The following WDR89 variants were observed in gnomAD, a reference collection of about 807,000 sequenced individuals.
WDR89 encodes WD repeat-containing protein 89.
A neutral mutation model predicts 29.1 loss-of-function variants in WDR89; 17 were observed. That is an observed-to-expected ratio of 0.58 (90% CI 0.40 to 0.88). The LOEUF is 0.88. Among genes scored for constraint, WDR89 ranks in the 40% least tolerant of loss-of-function variants. The pLI is 0.00. For missense variants in WDR89, 396 were observed against 456.3 expected, an observed-to-expected ratio of 0.87 and a Z score of 1.20; for synonymous variants, 138 against 157.8, an observed-to-expected ratio of 0.87 and a Z score of 0.94.
At chr14:63,628,691 C>T (rs1883217740) in intron 1 of WDR89, among the ~76,000 whole-genome samples, 2 of 152,162 alleles carry the variant, frequency 1.3e-5, no homozygotes, top group South Asian at 2.1e-4. Flanking sequence ...TGGCCGGGTG[C>T]GGTGGCTCAC....
chr14:63,619,129 A>T (rs1882508179), intron 2 of WDR89, among the ~76,000 whole-genome samples: 1 of 152,202 alleles, frequency 6.6e-6, no homozygotes, highest in Admixed American at 6.6e-5. Context: ...GGTGGGGAAG[A>T]GCATGGAGAG....
At chr14:63,616,120 G>A (rs756401581) in intron 2 of WDR89, among the ~76,000 whole-genome samples, 2 of 151,970 alleles carry the variant, frequency 1.3e-5, no homozygotes, top group Non-Finnish European at 2.9e-5. Flanking sequence ...TAAATGTACA[G>A]GGCGTGGTGG....
At chr14:63,619,111 C>T (rs770691729) in intron 2 of WDR89, among the ~76,000 whole-genome samples, 5 of 152,158 alleles carry the variant, frequency 3.3e-5, no homozygotes, top group Non-Finnish European at 5.9e-5. Flanking sequence ...CACCAACGGT[C>T]GGCAGGTGGT....
chr14:63,602,562 C>T (rs918496097), intron 2 of WDR89, among the ~76,000 whole-genome samples: 2 of 150,498 alleles, frequency 1.3e-5, no homozygotes, highest in Non-Finnish European at 1.5e-5. Flanking sequence ...CACCTGAGGT[C>T]GGGAGATTGA....
chr14:63,625,474 A>G (rs1882977358), intron 1 of WDR89, among the ~76,000 whole-genome samples: 1 of 152,248 alleles, frequency 6.6e-6, no homozygotes, highest in Admixed American at 6.5e-5. Context: ...TTAAAAAGGT[A>G]AATTTTATGG....
chr14:63,607,308 GC>G, intron 2 of WDR89, among the ~76,000 whole-genome samples: 1 of 152,064 alleles, frequency 6.6e-6, no homozygotes, highest in South Asian at 2.1e-4. Flanking sequence ...GACTACAGGT[GC>G]CCACCACCAT....
At position 63,598,868 on chromosome 14, in the gene WDR89, T is replaced by G; in HGVS notation, c.1075A>C (p.Lys359Gln). 1 of 1,614,218 alleles carries G rather than the reference T, an allele frequency of 6.2e-7. No homozygotes were observed. Among genetic ancestry groups the G allele is most frequent in the South Asian group, 1.1e-5 (1 of 91,084 alleles). Residue 359 changes from lysine to glutamine, a missense_variant, in exon 3 of 3, where the codon AAG (lysine) becomes CAG (glutamine). Physicochemically the swap from Lys to Gln is moderately conservative, Grantham distance 53 (BLOSUM62 1). Coordinates refer to ENST00000620954, the MANE Select transcript of WDR89 (RefSeq NM_080666.4). Reference sequence around the variant, plus strand: ...GATGCTATTTTCATACTCTCTTTCTTTGTAAAGGTCTTCTCTATAGCTCCA... The same window carrying G: ...GATGCTATTTTCATACTCTCTTTCTGTGTAAAGGTCTTCTCTATAGCTCCA... ...KPGAIEKTFT[K>Q]KESMKIASSV...
intron 2 of WDR89, among the ~76,000 whole-genome samples, chr14:63,612,368 CGGGCT>C (rs1882044232): frequency 1.3e-5 from 2 of 151,290 alleles, no homozygotes; most frequent in East Asian, 1.9e-4. Flanking sequence ...CTCTGTCGCC[CGGGCT>C]AGAGTGTAGT....
intron 2 of WDR89, among the ~76,000 whole-genome samples, chr14:63,616,993 CAAAAAA>C (rs560043617): frequency 1.3e-4 from 15 of 116,254 alleles, no homozygotes; most frequent in African/African-American, 4.4e-4. Flanking sequence ...ATTCTTGTCT[CAAAAAA>C]AAAAAGATTC....
intron 1 of WDR89, among the ~76,000 whole-genome samples, chr14:63,628,118 T>C (rs1027339929): frequency 6.6e-6 from 1 of 152,094 alleles, no homozygotes; most frequent in Non-Finnish European, 1.5e-5. Flanking sequence ...GCACCTGCAA[T>C]CTCAGCTACT....
chr14:63,601,116 T>C (rs1895045082), intron 2 of WDR89, among the ~76,000 whole-genome samples: 2 of 152,160 alleles, frequency 1.3e-5, no homozygotes, highest in Admixed American at 6.6e-5. Context: ...TGCAGCCCTG[T>C]TGACATCTTA....
intron 1 of WDR89, among the ~76,000 whole-genome samples, chr14:63,637,621 C>T (rs901226779): frequency 4.6e-5 from 7 of 151,854 alleles, no homozygotes; most frequent in Middle Eastern, 3.4e-3. Context: ...TACTACACAG[C>T]CATAAAAAGA....
chr14:63,626,191 T>C (rs1273780376), intron 1 of WDR89, among the ~76,000 whole-genome samples: 1 of 152,034 alleles, frequency 6.6e-6, no homozygotes, highest in Non-Finnish European at 1.5e-5. Flanking sequence ...GACAAAAACA[T>C]AACTAAAATA....
chr14:63,601,834 G>A, intron 2 of WDR89: 1 of 908,928 alleles, frequency 1.1e-6, no homozygotes, highest in Non-Finnish European at 1.8e-6. Flanking sequence ...CTATTGAAAT[G>A]GCATCAACAT....
intron 1 of WDR89, among the ~76,000 whole-genome samples, chr14:63,627,818 T>C (rs1420379698): frequency 6.6e-6 from 1 of 151,786 alleles, no homozygotes; most frequent in African/African-American, 2.4e-5. Flanking sequence ...CTGGGTATGG[T>C]GGTACATGCC....
intron 2 of WDR89, among the ~76,000 whole-genome samples, chr14:63,618,828 G>A (rs117414043): frequency 1.1e-3 from 173 of 152,172 alleles, no homozygotes; most frequent in Non-Finnish European, 1.7e-3. Context: ...GGAGAAAAGG[G>A]GTCTCATAAA....
Position 63,599,983 on chromosome 14 carries a change from A to G in WDR89, c.-31-10T>C. 7.6e-7 allele frequency: 1 copy of G among 1,316,586 alleles called. No homozygotes were observed. The highest frequency in any genetic ancestry group is 9.9e-7 in the Non-Finnish European group (1 of 1,009,892). 81.6% of individuals were successfully genotyped at this position (1,316,586 alleles called of 1,614,324 possible). A position where few individuals can be genotyped will look rare whatever the true frequency, so the allele number is the denominator to read the frequency against. On this transcript the variant is annotated splice_polypyrimidine_tract_variant and intron_variant, in intron 2 of 2. Transcript: ENST00000620954. ...CAAGGGTAGTAAAACTCTGTAAAAAATAATAATAATAAAAATAAAAATTAA... is the reference window on the plus strand; with the variant it reads ...CAAGGGTAGTAAAACTCTGTAAAAAGTAATAATAATAAAAATAAAAATTAA...
At chr14:63,614,311 C>T (rs1396341090) in intron 2 of WDR89, among the ~76,000 whole-genome samples, 6 of 141,932 alleles carry the variant, frequency 4.2e-5, no homozygotes, top group Non-Finnish European at 4.6e-5. Context: ...TTCTTTTTTT[C>T]TTTTTTTTTT....
chr14:63,611,335 CAAAAAA>C (rs769975882), intron 2 of WDR89, among the ~76,000 whole-genome samples: 3 of 22,918 alleles, frequency 1.3e-4, no homozygotes, highest in Non-Finnish European at 1.9e-4. Flanking sequence ...GGCCCTGTCG[CAAAAAA>C]AAAAAAAAAA....
Sources: gnomAD v4.1 joint callset for allele counts (sites outside exome capture counted in the v4.1 genomes callset) on GRCh38, gnomAD v4.1.1 for gene constraint, MANE v1.5 for transcripts, NCBI Gene and HGNC (gene_info 2026-07-23, HGNC 2026-07-21) for gene names.